The following KIF16B variants were observed in gnomAD, a reference collection of about 807,000 sequenced individuals.
KIF16B encodes the protein kinesin-like protein KIF16B.
KIF16B carries 98 observed loss-of-function variants against 156.3 expected under a neutral mutation model. That is an observed-to-expected ratio of 0.63 (90% CI 0.53 to 0.74). The LOEUF is 0.74. Among genes scored for constraint, KIF16B ranks in the 30% least tolerant of loss-of-function variants. KIF16B has a pLI of 0.00. For synonymous variants in KIF16B, 564 were observed against 583.7 expected (o/e 0.97, Z 0.49); for missense variants, 1,421 against 1,606.5 (o/e 0.88, Z 1.97).
intron 1 of KIF16B, among the ~76,000 whole-genome samples, chr20:16,561,595 T>C (rs997278687): frequency 2.0e-5 from 3 of 152,130 alleles, no homozygotes; most frequent in African/African-American, 7.2e-5. Context: ...CCAAGATATT[T>C]ATTAATTACA....
In KIF16B at chr20:16,379,313, GCTTT is replaced by G; in HGVS notation, c.2685_2688del (p.Lys896GlnfsTer42). ...TTATATTGCAGCCTGTACTCCACTG[GCTTT>G]ATTTTCTCGAAATCTTGAGGCACTT... On this transcript the variant is annotated frameshift_variant, in exon 19 of 26. Transcript: ENST00000354981. LOFTEE classifies it high-confidence loss of function. 3.1e-6 allele frequency: 5 copies of G among 1,607,636 alleles called. No homozygotes were observed. The highest frequency in any genetic ancestry group is 4.2e-6 in the Non-Finnish European group (5 of 1,177,756).
chr20:16,294,621 T>C (rs1466005626), intron 25 of KIF16B, among the ~76,000 whole-genome samples: 4 of 152,080 alleles, frequency 2.6e-5, no homozygotes, highest in African/African-American at 9.7e-5. Flanking sequence ...ACTGCCTGGG[T>C]CAGGGTCCAT....
In KIF16B at chr20:16,528,409, G is replaced by A. The variant is rs1335195003; in HGVS notation, c.79C>T (p.Gln27Ter). 6.2e-7 allele frequency: 1 copy of A among 1,613,720 alleles called. No individual in the cohort carries two copies. The highest frequency in any genetic ancestry group is 2.2e-5 in the East Asian group (1 of 44,884). The change falls in exon 2 of 26, where the codon CAG becomes TAG. Residue 27 changes from glutamine to a stop codon, truncating the protein, a stop_gained. Coordinates refer to ENST00000354981, the MANE Select transcript of KIF16B (RefSeq NM_024704.5). LOFTEE classifies it high-confidence loss of function. ...EKDLEAKFII[Q>*]MEKSKTTITN... ...ATTGTCGTTTTGCTTTTCTCCATCTGAATAATGAACTTGGCCTCCAAGTCC... is the reference window on the plus strand; with the variant it reads ...ATTGTCGTTTTGCTTTTCTCCATCTAAATAATGAACTTGGCCTCCAAGTCC...
At chr20:16,399,657 C>T (rs1398334455) in intron 17 of KIF16B, among the ~76,000 whole-genome samples, 1 of 152,230 alleles carries the variant, frequency 6.6e-6, no homozygotes, top group Non-Finnish European at 1.5e-5. Flanking sequence ...GTCATAGTCA[C>T]TTACAGGAGA....
At chr20:16,292,172 T>G (rs2063323538) in intron 25 of KIF16B, among the ~76,000 whole-genome samples, 1 of 152,154 alleles carries the variant, frequency 6.6e-6, no homozygotes, top group African/African-American at 2.4e-5. Flanking sequence ...TTGCCTGGAA[T>G]GAAAAGTATA....
In KIF16B at chr20:16,379,015, G is replaced by C; in HGVS notation, c.2987C>G (p.Ser996Cys). The change falls in exon 19 of 26, where the codon TCC becomes TGC. Residue 996 changes from serine to cysteine, a missense_variant. By Grantham distance (112) the Ser-to-Cys change is moderately radical. Coordinates refer to ENST00000354981, the MANE Select transcript of KIF16B (RefSeq NM_024704.5). ...CGCCTCTCTCTGCTGCTTCTCTCTG[G>C]ACTCCAAAATCTCCTTTTCCTTTTT... ...VRKKEKEILE[S>C]REKQQREALE... 1 of 1,612,760 alleles carries C rather than the reference G, an allele frequency of 6.2e-7. No individual in the cohort carries two copies. Among genetic ancestry groups the C allele is most frequent in the South Asian group, 1.1e-5 (1 of 90,790 alleles).
At chr20:16,346,824 G>A (rs2064243264) in intron 23 of KIF16B, among the ~76,000 whole-genome samples, 1 of 152,228 alleles carries the variant, frequency 6.6e-6, no homozygotes, top group African/African-American at 2.4e-5. Context: ...TGAGGTATAC[G>A]GGGACTTATT....
chr20:16,318,599 A>G (rs1435844815), intron 24 of KIF16B, among the ~76,000 whole-genome samples: 1 of 152,196 alleles, frequency 6.6e-6, no homozygotes, highest in African/African-American at 2.4e-5. Context: ...CCAGTGGCCA[A>G]AGCTGAGACA....
intron 12 of KIF16B, among the ~76,000 whole-genome samples, chr20:16,442,356 A>G (rs1488747375): frequency 1.7e-4 from 15 of 89,718 alleles, no homozygotes; most frequent in African/African-American, 6.8e-4. Flanking sequence ...GTGTATATAT[A>G]TATATATATA....
chr20:16,429,139 A>G, intron 13 of KIF16B, 135 bp from the exon 14 acceptor site: 1 of 746,370 alleles, frequency 1.3e-6, no homozygotes, highest in Admixed American at 2.0e-5. Context: ...GCTTCAATGC[A>G]TCGAGAGCTC....
chr20:16,276,007 T>C (rs2063055624), intron 25 of KIF16B, among the ~76,000 whole-genome samples: 2 of 152,236 alleles, frequency 1.3e-5, no homozygotes, highest in African/African-American at 2.4e-5. Context: ...GCCACTGCTC[T>C]TTCACAGTTT....
chr20:16,476,177 C>T (rs1481814207), intron 12 of KIF16B, among the ~76,000 whole-genome samples: 2 of 152,142 alleles, frequency 1.3e-5, no homozygotes, highest in African/African-American at 4.8e-5. Context: ...GAAACTAAAA[C>T]GCAGTCTGTA....
At chr20:16,365,340 A>G (rs549292074) in intron 22 of KIF16B, among the ~76,000 whole-genome samples, 1 of 152,226 alleles carries the variant, frequency 6.6e-6, no homozygotes, top group Non-Finnish European at 1.5e-5. Context: ...ACCAACCAAG[A>G]TAATGACAAA....
At chr20:16,501,894 A>G (rs1171593894) in intron 10 of KIF16B, among the ~76,000 whole-genome samples, 2 of 152,202 alleles carry the variant, frequency 1.3e-5, no homozygotes, top group Non-Finnish European at 2.9e-5. Context: ...GGGGGCTTCA[A>G]GGATACTGGT....
At chr20:16,304,459 A>C (rs1183959124) in intron 25 of KIF16B, among the ~76,000 whole-genome samples, 1 of 152,220 alleles carries the variant, frequency 6.6e-6, no homozygotes, top group Non-Finnish European at 1.5e-5. Context: ...TGAATACTCC[A>C]ACAGCCACTA....
chr20:16,479,374 G>A (rs1264563905), intron 12 of KIF16B, among the ~76,000 whole-genome samples: 1 of 152,130 alleles, frequency 6.6e-6, no homozygotes, highest in East Asian at 1.9e-4. Flanking sequence ...GATGGGGCAG[G>A]GGGAGGGAGA....
At chr20:16,328,288 G>A (rs2063891085) in intron 24 of KIF16B, among the ~76,000 whole-genome samples, 1 of 152,152 alleles carries the variant, frequency 6.6e-6, no homozygotes, top group South Asian at 2.1e-4. Context: ...GTGGGGAGAA[G>A]GGAACTCCCT....
chr20:16,572,730 C>A (rs1178919236), intron 1 of KIF16B, among the ~76,000 whole-genome samples: 1 of 152,210 alleles, frequency 6.6e-6, no homozygotes, highest in Non-Finnish European at 1.5e-5. Context: ...GTTTTCCCAT[C>A]CACTCTCTAA....
chr20:16,495,911 G>C (rs911960287), intron 11 of KIF16B, among the ~76,000 whole-genome samples: 4 of 152,112 alleles, frequency 2.6e-5, no homozygotes, highest in Non-Finnish European at 5.9e-5. Flanking sequence ...GGCTGGTCTT[G>C]AGCTCCTGGG....
Sources: allele counts gnomAD v4.1 joint callset (sites outside exome capture counted in the v4.1 genomes callset), GRCh38; gene constraint gnomAD v4.1.1; transcripts MANE v1.5; gene names NCBI Gene and HGNC (gene_info 2026-07-23, HGNC 2026-07-21).